Variants in ARV1 observed in about 807,000 individuals in gnomAD.
ARV1 encodes the protein ARV1 fatty acid homeostasis modulator.
Under a neutral mutation model 31.1 loss-of-function variants are expected in ARV1, and 26 were observed. The observed-to-expected ratio is 0.84, with a 90% CI of 0.61 to 1.16. The LOEUF is 1.16. Among genes scored for constraint, ARV1 ranks in the 50% most tolerant of loss-of-function variants. The probability of loss-of-function intolerance (pLI) is 0.00; values close to 1 mark genes in which losing one functional copy is unlikely to be tolerated. For missense variants in ARV1, 281 were observed against 324.9 expected, an observed-to-expected ratio of 0.86 and a Z score of 1.04; for synonymous variants, 117 against 123.2, an observed-to-expected ratio of 0.95 and a Z score of 0.34.
intron 5 of ARV1, among the ~76,000 whole-genome samples, chr1:230,998,745 G>GAAAA (rs75089395): frequency 4.4e-5 from 6 of 135,746 alleles, no homozygotes; most frequent in South Asian, 2.4e-4. Flanking sequence ...ATCTTTACAG[G>GAAAA]AAAAAAAAAA....
chr1:230,995,190 A>G (rs1230016543), intron 3 of ARV1, among the ~76,000 whole-genome samples: 1 of 152,246 alleles, frequency 6.6e-6, no homozygotes, highest in African/African-American at 2.4e-5. Flanking sequence ...GCTGCTGTTA[A>G]TCTGGACTCT....
intron 3 of ARV1, among the ~76,000 whole-genome samples, chr1:230,994,746 G>T (rs141961397): frequency 1.3e-5 from 2 of 151,968 alleles, no homozygotes; most frequent in African/African-American, 4.8e-5. Context: ...GGGTTTCACC[G>T]TGTTAGCCAG....
At chr1:230,985,399 G>T (rs1307663099) in intron 1 of ARV1, among the ~76,000 whole-genome samples, 1 of 152,190 alleles carries the variant, frequency 6.6e-6, no homozygotes, top group African/African-American at 2.4e-5. Context: ...TAAACTGTTA[G>T]ATCCTTGAGG....
At chr1:230,988,199 A>G in intron 1 of ARV1, 121 bp from the exon 2 acceptor site, 6 of 767,042 alleles carry the variant, frequency 7.8e-6, no homozygotes, top group Non-Finnish European at 1.0e-5. Flanking sequence ...GTTTATATAA[A>G]TAATTGCTAA....
chr1:230,979,793 G>A (rs1184680566), intron 1 of ARV1, among the ~76,000 whole-genome samples: 1 of 152,144 alleles, frequency 6.6e-6, no homozygotes, highest in Non-Finnish European at 1.5e-5. Flanking sequence ...CAAGGTGTTC[G>A]TAGAATACCT....
At chr1:230,999,681 A>T (rs945963462) in intron 5 of ARV1, 2 of 152,194 alleles carry the variant, frequency 1.3e-5, no homozygotes, top group Non-Finnish European at 2.9e-5. Context: ...CTCTCCATGG[A>T]ATAAGTGAAG....
intron 3 of ARV1, among the ~76,000 whole-genome samples, chr1:230,994,467 T>G (rs1679308602): frequency 6.6e-6 from 1 of 152,224 alleles, no homozygotes; most frequent in African/African-American, 2.4e-5. Context: ...GACAAGTCTT[T>G]TAGTTATTTT....
chr1:230,984,721 TG>T, intron 1 of ARV1, among the ~76,000 whole-genome samples: 1 of 152,098 alleles, frequency 6.6e-6, no homozygotes. Flanking sequence ...AGAAGCAAAA[TG>T]GTTACAGAGA....
chr1:230,981,884 C>T (rs769234625), intron 1 of ARV1, among the ~76,000 whole-genome samples: 6 of 152,182 alleles, frequency 3.9e-5, no homozygotes, highest in Admixed American at 6.5e-5. Flanking sequence ...TTGCACAATG[C>T]CTGGAGCACT....
In ARV1 at chr1:230,982,629, C is replaced by G. The variant is rs191840764; in HGVS notation, c.174+3350C>G. Among the ~76,000 whole-genome samples the G allele has an allele frequency of 1.6e-3, 243 of 152,238 alleles. 1 individual carries two copies. The highest frequency in any genetic ancestry group is 5.2e-3 in the African/African-American group (215 of 41,524). ...CAGTACTTTATGGATTCGTTATTGT[C>G]CACAGTCATTCCATAATGAGACAGA... On this transcript the variant is annotated intron_variant, in intron 1 of 5. Coordinates refer to ENST00000310256, the MANE Select transcript of ARV1 (RefSeq NM_022786.3).
intron 2 of ARV1, among the ~76,000 whole-genome samples, chr1:230,989,054 A>G (rs760739390): frequency 6.6e-6 from 1 of 152,334 alleles, no homozygotes; most frequent in Admixed American, 6.5e-5. Context: ...GAATGTCCCA[A>G]ATATTGCATG....
chr1:230,980,070 A>G (rs1188563724), intron 1 of ARV1, among the ~76,000 whole-genome samples: 1 of 152,234 alleles, frequency 6.6e-6, no homozygotes, highest in Non-Finnish European at 1.5e-5. Flanking sequence ...CTGTAGTAAT[A>G]TACAAGAGAA....
chr1:230,980,708 C>T (rs144811688), intron 1 of ARV1, among the ~76,000 whole-genome samples: 2,127 of 150,532 alleles, frequency 0.014, 27 homozygotes, highest in Admixed American at 0.023. Flanking sequence ...GTACTGTCTT[C>T]TTCTGCCTTC....
In ARV1 at chr1:230,992,771, C is replaced by T. The variant is rs184370834; in HGVS notation, c.448+2508C>T. ...AATATTTTTAAATACTTATTAGGTGCCAGTTACTACTTTAGGTACTTTAGG... is the reference window on the plus strand; with the variant it reads ...AATATTTTTAAATACTTATTAGGTGTCAGTTACTACTTTAGGTACTTTAGG... On this transcript the variant is annotated intron_variant, in intron 3 of 5. Coordinates refer to ENST00000310256, the MANE Select transcript of ARV1 (RefSeq NM_022786.3). Among the ~76,000 whole-genome samples the T allele has an allele frequency of 6.1e-3, 931 of 152,252 alleles. 7 individuals carry two copies. The highest frequency in any genetic ancestry group is 0.021 in the African/African-American group (872 of 41,534).
At position 230,986,073 on chromosome 1, in the gene ARV1, C is replaced by T. The variant is rs578072218; in HGVS notation, c.175-2247C>T. Among the ~76,000 whole-genome samples, 349 of 149,330 alleles carry T rather than the reference C, an allele frequency of 2.3e-3. 1 individual carries two copies. Among genetic ancestry groups the T allele is most frequent in the Non-Finnish European group, 4.3e-3 (287 of 67,346 alleles). ...CTGGGACTACAGGCACCTGCCACCA[C>T]GCCCTCCTAATCTTTTTGTATTTTT... On this transcript the variant is annotated intron_variant, in intron 1 of 5. Coordinates refer to ENST00000310256, the MANE Select transcript of ARV1 (RefSeq NM_022786.3).
At chr1:230,987,575 C>T (rs1025616302) in intron 1 of ARV1, among the ~76,000 whole-genome samples, 1 of 152,138 alleles carries the variant, frequency 6.6e-6, no homozygotes, top group Non-Finnish European at 1.5e-5. Context: ...GGGAATAAAG[C>T]CATTTAATGT....
intron 1 of ARV1, among the ~76,000 whole-genome samples, chr1:230,980,274 G>T (rs1678829979): frequency 6.6e-6 from 1 of 152,010 alleles, no homozygotes; most frequent in Non-Finnish European, 1.5e-5. Context: ...AAACAAATTT[G>T]TGACGATTAA....
At chr1:230,983,447 T>C (rs1678969044) in intron 1 of ARV1, among the ~76,000 whole-genome samples, 2 of 151,820 alleles carry the variant, frequency 1.3e-5, no homozygotes, top group South Asian at 4.2e-4. Context: ...TTATTTGCTA[T>C]AGGGCTTGGC....
intron 1 of ARV1, among the ~76,000 whole-genome samples, chr1:230,984,316 C>T (rs1678988893): frequency 6.7e-6 from 1 of 148,622 alleles, no homozygotes; most frequent in African/African-American, 2.5e-5. Context: ...CAGTGGTCTG[C>T]TTTGGGATGT....
Sources: gnomAD v4.1 joint callset for allele counts (sites outside exome capture counted in the v4.1 genomes callset) on GRCh38, gnomAD v4.1.1 for gene constraint, MANE v1.5 for transcripts, NCBI Gene and HGNC (gene_info 2026-07-23, HGNC 2026-07-21) for gene names.